The following MYO16 variants were observed in gnomAD, a reference collection of about 807,000 sequenced individuals.
MYO16 encodes the protein unconventional myosin-XVI.
MYO16 carries 94 observed loss-of-function variants against 205.3 expected under a neutral mutation model. The observed-to-expected ratio is 0.46, with a 90% CI of 0.39 to 0.54. The LOEUF (loss-of-function observed/expected upper bound fraction) is 0.54, where lower values mean the gene tolerates loss of function less well. Among genes scored for constraint, MYO16 ranks in the 20% least tolerant of loss-of-function variants. MYO16 has a pLI of 0.00. For missense variants in MYO16, 2,315 were observed against 2,387.5 expected (o/e 0.97, Z 0.63); for synonymous variants, 988 against 954.0 (o/e 1.04, Z -0.66).
At chr13:108,548,414 G>A in the MYO16 span, among the ~76,000 whole-genome samples, 1 of 140,948 alleles carries the variant, frequency 7.1e-6, no homozygotes, top group Non-Finnish European at 1.6e-5. Flanking sequence ...TAGTGGTGGT[G>A]AGGAGGATGA....
At chr13:108,585,227 C>T in the MYO16 span, among the ~76,000 whole-genome samples, 1 of 152,116 alleles carries the variant, frequency 6.6e-6, no homozygotes, top group Non-Finnish European at 1.5e-5. Context: ...TGGGGTACAG[C>T]TTGTTCTTAT....
intron 16 of MYO16, among the ~76,000 whole-genome samples, chr13:108,911,586 A>C (rs1396953373): frequency 6.6e-6 from 1 of 152,160 alleles, no homozygotes; most frequent in African/African-American, 2.4e-5. Flanking sequence ...TAGAGACAAC[A>C]TGAAAAGAAC....
the MYO16 span, among the ~76,000 whole-genome samples, chr13:108,545,467 G>A: frequency 2.0e-5 from 3 of 152,092 alleles, no homozygotes; most frequent in African/African-American, 7.2e-5. Context: ...ATGAACATAC[G>A]AGTACATGTG....
chr13:108,801,223 T>G (rs768098666), intron 6 of MYO16, among the ~76,000 whole-genome samples: 2 of 152,216 alleles, frequency 1.3e-5, no homozygotes, highest in Admixed American at 1.3e-4. Flanking sequence ...AACTAGCCTA[T>G]GTATATGAAA....
In MYO16 at chr13:108,935,843, T is replaced by A. The variant is rs1302183479; in HGVS notation, c.1926-21845T>A. 2.6e-5 allele frequency among the ~76,000 whole-genome samples: 4 copies of A among 151,908 alleles called. No individual in the cohort carries two copies. In the East Asian group the frequency reaches 5.8e-4, roughly 22 times the overall value. ...GGTTTTTTTTTTTATCATGAAGGGATGTTGGATTTTATCAGAAACTTTTTT... is the reference window on the plus strand; with the variant it reads ...GGTTTTTTTTTTTATCATGAAGGGAAGTTGGATTTTATCAGAAACTTTTTT... On this transcript the variant is annotated intron_variant, in intron 16 of 34. Coordinates refer to ENST00000457511, the MANE Select transcript of MYO16 (RefSeq NM_001198950.3).
chr13:108,590,080 A>T, the MYO16 span, among the ~76,000 whole-genome samples: 4,056 of 152,286 alleles, frequency 0.027, 167 homozygotes, highest in African/African-American at 0.091. Flanking sequence ...TCAAATTTTT[A>T]ATAATCACCT....
intron 31 of MYO16, among the ~76,000 whole-genome samples, chr13:109,136,170 C>T (rs1049121005): frequency 4.0e-5 from 6 of 151,674 alleles, no homozygotes; most frequent in Non-Finnish European, 7.4e-5. Context: ...CTTGGTTCTC[C>T]GCAACCTCCA....
intron 15 of MYO16, among the ~76,000 whole-genome samples, chr13:108,903,285 T>A (rs1880796823): frequency 6.6e-6 from 1 of 152,226 alleles, no homozygotes; most frequent in Non-Finnish European, 1.5e-5. Flanking sequence ...TATTAGTTGC[T>A]GTGTTAATTT....
intron 27 of MYO16, among the ~76,000 whole-genome samples, chr13:109,087,493 A>G (rs1888468977): frequency 6.6e-6 from 1 of 152,178 alleles, no homozygotes; most frequent in South Asian, 2.1e-4. Flanking sequence ...TAAAAATACA[A>G]AAATTAGCTG....
intron 1 of MYO16, among the ~76,000 whole-genome samples, chr13:108,619,174 C>A (rs1879452734): frequency 6.6e-6 from 1 of 152,172 alleles, no homozygotes. Flanking sequence ...ATCCACTCAA[C>A]TAACACTTAC....
At chr13:108,866,470 G>A (rs935703655) in intron 12 of MYO16, among the ~76,000 whole-genome samples, 13 of 152,138 alleles carry the variant, frequency 8.5e-5, no homozygotes, top group Non-Finnish European at 1.8e-4. Flanking sequence ...ATTTGTTTAT[G>A]ACTATAGCCA....
the MYO16 span, among the ~76,000 whole-genome samples, chr13:108,554,716 G>T: frequency 9.2e-5 from 14 of 151,980 alleles, no homozygotes; most frequent in East Asian, 2.5e-3. Flanking sequence ...CAGGAGTGGT[G>T]GCGGGCGCCT....
the MYO16 span, among the ~76,000 whole-genome samples, chr13:108,562,471 T>C: frequency 1.3e-5 from 2 of 152,204 alleles, no homozygotes; most frequent in African/African-American, 4.8e-5. Flanking sequence ...CACTGTGACA[T>C]GCACACTGGT....
intron 15 of MYO16, among the ~76,000 whole-genome samples, chr13:108,901,699 A>T (rs988545078): frequency 1.3e-5 from 2 of 152,010 alleles, no homozygotes; most frequent in Non-Finnish European, 2.9e-5. Context: ...AGTTCTTATC[A>T]CTTGTATTTG....
chr13:108,924,379 A>G (rs994359225), intron 16 of MYO16, among the ~76,000 whole-genome samples: 2 of 151,884 alleles, frequency 1.3e-5, no homozygotes, highest in Admixed American at 6.6e-5. Context: ...CCACCTTCCA[A>G]CTCTACAGAG....
In MYO16 at chr13:108,761,069, C is replaced by CT. The variant is rs201550867; in HGVS notation, c.508-24559dup. ...GTGTGCACACATGCATCACACACAC[C>CT]TTTTTTTGCCGTTTATCTGTTGATG... is the stretch of plus-strand genomic sequence containing the variant. On this transcript the variant is annotated intron_variant, in intron 4 of 34. Transcript: ENST00000457511. 2.6e-5 allele frequency among the ~76,000 whole-genome samples: 4 copies of CT among 152,188 alleles called. No homozygotes were observed. In the Middle Eastern group the frequency reaches 0.01, roughly 388 times the overall value.
chr13:108,919,423 A>C (rs1336585565), intron 16 of MYO16, among the ~76,000 whole-genome samples: 2 of 152,250 alleles, frequency 1.3e-5, no homozygotes, highest in Non-Finnish European at 2.9e-5. Flanking sequence ...CATCCAATGC[A>C]GTCTGCTTGA....
intron 32 of MYO16, among the ~76,000 whole-genome samples, chr13:109,151,194 A>G (rs1481717248): frequency 6.6e-6 from 1 of 152,122 alleles, no homozygotes; most frequent in Non-Finnish European, 1.5e-5. Context: ...AGTGAGCTAT[A>G]TTCAATATCA....
chr13:108,898,594 T>C (rs1471123677), intron 15 of MYO16, among the ~76,000 whole-genome samples: 1 of 152,086 alleles, frequency 6.6e-6, no homozygotes, highest in African/African-American at 2.4e-5. Context: ...TACCTTAGTA[T>C]TATATATAAT....
Sources: allele counts gnomAD v4.1 joint callset (sites outside exome capture counted in the v4.1 genomes callset), GRCh38; gene constraint gnomAD v4.1.1; transcripts MANE v1.5; gene names NCBI Gene and HGNC (gene_info 2026-07-23, HGNC 2026-07-21).